Variants in KIAA1217 observed in about 807,000 individuals in gnomAD.
KIAA1217 encodes the protein KIAA1217.
In KIAA1217, 88 loss-of-function variants were observed where a neutral mutation model predicts 163.9. That is an observed-to-expected ratio of 0.54 (90% CI 0.45 to 0.64). The LOEUF (loss-of-function observed/expected upper bound fraction) is 0.64, where lower values mean the gene tolerates loss of function less well. Among genes scored for constraint, KIAA1217 ranks in the 30% least tolerant of loss-of-function variants. The probability of loss-of-function intolerance (pLI) is 0.00; values close to 1 mark genes in which losing one functional copy is unlikely to be tolerated. For missense variants in KIAA1217, 2,372 were observed against 2,475.0 expected (o/e 0.96, Z 0.88); for synonymous variants, 903 against 923.1 (o/e 0.98, Z 0.39).
At chr10:24,535,358 C>T (rs1464745623) in intron 16 of KIAA1217, among the ~76,000 whole-genome samples, 1 of 152,158 alleles carries the variant, frequency 6.6e-6, no homozygotes. Context: ...ATTTTAGGAC[C>T]AGTGTTGGAA....
At chr10:24,331,403 A>C (rs2045651364) in intron 2 of KIAA1217, among the ~76,000 whole-genome samples, 1 of 152,264 alleles carries the variant, frequency 6.6e-6, no homozygotes, top group African/African-American at 2.4e-5. Context: ...GCATTAATGA[A>C]GTTGAATGTA....
intron 1 of KIAA1217, among the ~76,000 whole-genome samples, chr10:23,792,687 A>G (rs1836012549): frequency 1.3e-5 from 2 of 149,470 alleles, no homozygotes; most frequent in South Asian, 4.2e-4. Context: ...TTTTTTTAAT[A>G]GAGACAGGGT....
At chr10:24,153,614 C>G (rs2064727828) in intron 2 of KIAA1217, among the ~76,000 whole-genome samples, 1 of 152,162 alleles carries the variant, frequency 6.6e-6, no homozygotes, top group African/African-American at 2.4e-5. Context: ...TGAATGAATT[C>G]CACTGACCTG....
chr10:23,818,024 C>CACACATATATATACATATATAT (rs1837417281), intron 1 of KIAA1217, among the ~76,000 whole-genome samples: 1 of 102,000 alleles, frequency 9.8e-6, no homozygotes, highest in East Asian at 2.5e-4. Flanking sequence ...CATATATATA[C>CACACATATATATACATATATAT]ACACATATAT....
chr10:23,774,322 G>A (rs1460757572), intron 1 of KIAA1217, among the ~76,000 whole-genome samples: 1 of 152,192 alleles, frequency 6.6e-6, no homozygotes, highest in Non-Finnish European at 1.5e-5. Flanking sequence ...GTTCTGTGTT[G>A]CTGGTGTGTG....
chr10:23,744,617 A>T (rs1839295870), intron 1 of KIAA1217, among the ~76,000 whole-genome samples: 1 of 152,220 alleles, frequency 6.6e-6, no homozygotes, highest in African/African-American at 2.4e-5. Context: ...GATGGAAATG[A>T]TTACGGAAGG....
intron 7 of KIAA1217, chr10:24,494,912 C>A: frequency 1.7e-6 from 1 of 580,316 alleles, no homozygotes; most frequent in Non-Finnish European, 3.0e-6. Flanking sequence ...TGCGTGTCCA[C>A]GTCGCCATCA....
chr10:23,980,313 A>G (rs1457942737), intron 1 of KIAA1217, among the ~76,000 whole-genome samples: 2 of 152,204 alleles, frequency 1.3e-5, no homozygotes, highest in African/African-American at 2.4e-5. Flanking sequence ...AACAAATGTC[A>G]GATGTCATTA....
At chr10:24,292,656 A>T (rs996880348) in intron 2 of KIAA1217, among the ~76,000 whole-genome samples, 1 of 152,146 alleles carries the variant, frequency 6.6e-6, no homozygotes, top group African/African-American at 2.4e-5. Flanking sequence ...TAATGCATTA[A>T]CTCTAAAAAT....
At chr10:23,922,551 G>A (rs1315612178) in intron 1 of KIAA1217, among the ~76,000 whole-genome samples, 1 of 152,156 alleles carries the variant, frequency 6.6e-6, no homozygotes, top group East Asian at 1.9e-4. Flanking sequence ...AACCTGTGGG[G>A]TCTGTGCTAA....
chr10:23,795,590 G>T (rs1342706987), intron 1 of KIAA1217, among the ~76,000 whole-genome samples: 1 of 152,192 alleles, frequency 6.6e-6, no homozygotes, highest in East Asian at 1.9e-4. Context: ...CGGTCCAAAA[G>T]GCTGGATATC....
intron 2 of KIAA1217, among the ~76,000 whole-genome samples, chr10:24,154,470 A>G (rs2064785362): frequency 6.6e-6 from 1 of 152,090 alleles, no homozygotes; most frequent in Non-Finnish European, 1.5e-5. Context: ...GATAATTCCT[A>G]CTTCCTGACT....
At chr10:24,259,760 G>A (rs926901056) in intron 2 of KIAA1217, among the ~76,000 whole-genome samples, 1 of 152,182 alleles carries the variant, frequency 6.6e-6, no homozygotes, top group African/African-American at 2.4e-5. Flanking sequence ...ACAGACACGG[G>A]GGAACCTGTG....
intron 2 of KIAA1217, among the ~76,000 whole-genome samples, chr10:24,134,867 A>G (rs1423115086): frequency 3.9e-5 from 6 of 152,088 alleles, no homozygotes; most frequent in Admixed American, 6.6e-5. Context: ...GTGAGCTACC[A>G]CGCCCAGCTG....
At chr10:23,735,737 A>G (rs11013683) in intron 1 of KIAA1217, among the ~76,000 whole-genome samples, 31,058 of 151,918 alleles carry the variant, frequency 0.2, 3,342 homozygotes, top group Middle Eastern at 0.26. Flanking sequence ...TTTTTGGCTT[A>G]TCTTTTCACT....
intron 1 of KIAA1217, among the ~76,000 whole-genome samples, chr10:23,747,632 A>T (rs1839481318): frequency 6.6e-6 from 1 of 152,208 alleles, no homozygotes; most frequent in Non-Finnish European, 1.5e-5. Context: ...CAGAGGGAGC[A>T]TTCATAAATA....
intron 2 of KIAA1217, among the ~76,000 whole-genome samples, chr10:24,321,071 C>A (rs1025045506): frequency 2.0e-5 from 3 of 150,946 alleles, no homozygotes; most frequent in South Asian, 4.2e-4. Flanking sequence ...AAAAATGCTA[C>A]AGAGAAAGGG....
At chr10:24,518,837 G>A (rs1232296411) in intron 10 of KIAA1217, among the ~76,000 whole-genome samples, 1 of 152,158 alleles carries the variant, frequency 6.6e-6, no homozygotes, top group Non-Finnish European at 1.5e-5. Context: ...AGCAGATGAG[G>A]CTTTCTCCCT....
At chr10:24,020,369 A>T (rs1297602618) in intron 2 of KIAA1217, among the ~76,000 whole-genome samples, 1 of 152,140 alleles carries the variant, frequency 6.6e-6, no homozygotes, top group Non-Finnish European at 1.5e-5. Context: ...TGTCAGTAAA[A>T]GTAGCAAACT....
Sources: gnomAD v4.1 joint callset for allele counts (sites outside exome capture counted in the v4.1 genomes callset) on GRCh38, gnomAD v4.1.1 for gene constraint, MANE v1.5 for transcripts, NCBI Gene and HGNC (gene_info 2026-07-23, HGNC 2026-07-21) for gene names.